The following ARHGEF40 variants were observed in gnomAD, a reference collection of about 807,000 sequenced individuals.
ARHGEF40 encodes Rho guanine nucleotide exchange factor 40.
ARHGEF40 carries 98 observed loss-of-function variants against 165.9 expected under a neutral mutation model. The ratio of observed to expected loss-of-function variants is 0.59; its 90% CI spans 0.50 to 0.70. The LOEUF is 0.70. ARHGEF40 is among the 30% of genes least tolerant of loss of function. ARHGEF40 has a pLI of 0.00. For synonymous variants in ARHGEF40, 792 were observed against 814.3 expected (o/e 0.97, Z 0.47); for missense variants, 1,815 against 1,968.0 (o/e 0.92, Z 1.47).
At chr14:21,079,496 T>C (rs1354616052) in intron 11 of ARHGEF40, among the ~76,000 whole-genome samples, 5 of 152,168 alleles carry the variant, frequency 3.3e-5, no homozygotes, top group Admixed American at 2.0e-4. Context: ...TACAGGCTTC[T>C]TTGTGGGGAA....
chr14:21,086,128 C>T (rs181560876), intron 19 of ARHGEF40: 181 of 396,070 alleles, frequency 4.6e-4, no homozygotes, highest in African/African-American at 3.3e-3. Context: ...GTAATCCCAG[C>T]GCATTTTGGG....
chr14:21,074,469 G>A lies in ARHGEF40; in HGVS notation c.739G>A (p.Glu247Lys). ...GPEGEYVELL[E>K]VTLPVRGSPT... is the part of the protein sequence containing the mutation. Reference sequence around the variant, plus strand: ...TGAGGGCGAGTATGTGGAGCTGTTAGAGGTGACGCTGCCCGTGAGGGGGAG... The same window carrying A: ...TGAGGGCGAGTATGTGGAGCTGTTAAAGGTGACGCTGCCCGTGAGGGGGAG... Residue 247 changes from glutamate to lysine, a missense_variant, in exon 3 of 24, where the codon GAG becomes AAG. Glu to Lys is a moderately conservative substitution (Grantham distance 56). Transcript: ENST00000298694. The surrounding 1 kb of genome is among the most constrained non-coding windows in gnomAD (Gnocchi z 4.8). 6.3e-7 allele frequency: 1 copy of A among 1,580,012 alleles called. No individual in the cohort carries two copies. The highest frequency in any genetic ancestry group is 1.4e-5 in the African/African-American group (1 of 74,068).
Position 21,084,894 on chromosome 14 carries a change from G to C in ARHGEF40, c.3931G>C (p.Glu1311Gln), listed in dbSNP as rs200596508. 3.7e-6 allele frequency: 6 copies of C among 1,614,108 alleles called. No homozygotes were observed. The East Asian group carries it at 1.1e-4, about 30-fold the overall frequency. Residue 1311 changes from glutamate to glutamine, a missense_variant, in exon 18 of 24, where the codon GAG becomes CAG. By Grantham distance (29) the Glu-to-Gln change is conservative. Transcript: ENST00000298694. ...SKLKGPEGGS[E>Q]MFVYKQAFKT... ...GCTCAAGGGCCCTGAAGGGGGGTCAGAGATGTTTGTTTACAAGCAGGCCTT... is the reference window on the plus strand; with the variant it reads ...GCTCAAGGGCCCTGAAGGGGGGTCACAGATGTTTGTTTACAAGCAGGCCTT...
intron 18 of ARHGEF40, among the ~76,000 whole-genome samples, 192 bp downstream of exon 18, chr14:21,085,115 G>A (rs1286815509): frequency 2.0e-5 from 3 of 152,212 alleles, no homozygotes; most frequent in Non-Finnish European, 4.4e-5. Flanking sequence ...TCTACCTCAT[G>A]AGGTTTTCCT....
In ARHGEF40 at chr14:21,074,328, A is replaced by G; in HGVS notation, c.598A>G (p.Thr200Ala). 6.2e-7 allele frequency: 1 copy of G among 1,614,138 alleles called. No homozygotes were observed. Among genetic ancestry groups the G allele is most frequent in the Non-Finnish European group, 8.5e-7 (1 of 1,180,016 alleles). Residue 200 changes from threonine to alanine, a missense_variant, in exon 3 of 24, where the codon ACA becomes GCA. Coordinates refer to ENST00000298694, the MANE Select transcript of ARHGEF40 (RefSeq NM_018071.5). This position sits in a 1 kb window ranked among gnomAD's most constrained non-coding sequence, Gnocchi z 4.8. The stretch of plus-strand genomic sequence containing the variant: ...CCTCATGGTTGGACATCAGCCAAGT[A>G]CACTGCCCCCAGAACTGCCCTCTGG... Reference protein sequence around the residue: ...EGLMVGHQPSTLPPELPSGPP... With the variant: ...EGLMVGHQPSALPPELPSGPP...
Position 21,078,965 on chromosome 14 carries a change from C to A in ARHGEF40, c.2328C>A (p.His776Gln), listed in dbSNP as rs769602811. The A allele has an allele frequency of 6.2e-7, 1 of 1,614,164 alleles. No homozygotes were observed. Among genetic ancestry groups the A allele is most frequent in the South Asian group, 1.1e-5 (1 of 91,090 alleles). Residue 776 changes from histidine to glutamine, a missense_variant, in exon 11 of 24, where the codon CAC becomes CAA. Coordinates refer to ENST00000298694, the MANE Select transcript of ARHGEF40 (RefSeq NM_018071.5). ...AGCTTGTGCGCCTCTCCAACCTGCA[C>A]GTGCAGCAGCAAGAGCAGCGGCAGT... is the stretch of plus-strand genomic sequence containing the variant. ...IHQLVRLSNL[H>Q]VQQQEQRQCL...
At position 21,074,143 on chromosome 14, in the gene ARHGEF40, A is replaced by G. The variant is rs375419399; in HGVS notation, c.413A>G (p.Asn138Ser). Residue 138 changes from asparagine to serine, a missense_variant, in exon 3 of 24, where the codon AAT becomes AGT. By Grantham distance (46) the Asn-to-Ser change is conservative. Coordinates refer to ENST00000298694, the MANE Select transcript of ARHGEF40 (RefSeq NM_018071.5). This position sits in a 1 kb window ranked among gnomAD's most constrained non-coding sequence, Gnocchi z 4.8. ...CGGGTGCAGGAGGTTCCTGTGCCCAATGAGGCTTGTGCCTACCTATTCACA... is the reference window on the plus strand; with the variant it reads ...CGGGTGCAGGAGGTTCCTGTGCCCAGTGAGGCTTGTGCCTACCTATTCACA... Reference protein sequence around the residue: ...GGRVQEVPVPNEACAYLFTPE... With the variant: ...GGRVQEVPVPSEACAYLFTPE... 3.3e-5 allele frequency: 54 copies of G among 1,614,000 alleles called. 1 individual carries two copies. Among genetic ancestry groups the G allele is most frequent in the South Asian group, 2.3e-4 (21 of 91,090 alleles).
chr14:21,070,183 G>T (rs946935768), upstream of ARHGEF40: 20 of 267,806 alleles, frequency 7.5e-5, no homozygotes, highest in Non-Finnish European at 1.3e-4. This position sits in a 1 kb window ranked among gnomAD's most constrained non-coding sequence, Gnocchi z 4.7. Flanking sequence ...GCGGAGGCGG[G>T]GGCGGGCGCT....
At chr14:21,076,702 T>C in intron 7 of ARHGEF40, 59 bp downstream of exon 7, 1 of 1,609,068 alleles carries the variant, frequency 6.2e-7, no homozygotes. Context: ...GAGAAGAGGC[T>C]GGCTGGAGCC....
intron 15 of ARHGEF40, among the ~76,000 whole-genome samples, 167 bp downstream of exon 15, chr14:21,082,645 GC>G (rs1888015993): frequency 6.6e-6 from 1 of 152,172 alleles, no homozygotes; most frequent in Admixed American, 6.5e-5. Flanking sequence ...CAGCCTCTGC[GC>G]CCTGCTCTCA....
Position 21,070,519 on chromosome 14 carries a change from C to T in ARHGEF40, c.3+120C>T. ...CTCGGACTGTTCGGCCCCTCTGGGA[C>T]TCTCCTCCCTCCCATCCCCCCTTCT... is the stretch of plus-strand genomic sequence containing the variant. On this transcript the variant is annotated intron_variant, in intron 1 of 23. Coordinates refer to ENST00000298694, the MANE Select transcript of ARHGEF40 (RefSeq NM_018071.5). This position sits in a 1 kb window ranked among gnomAD's most constrained non-coding sequence, Gnocchi z 4.7. The T allele has an allele frequency of 8.4e-7, 1 of 1,197,166 alleles. No homozygotes were observed. The allele number at this position is 1,197,166 out of a possible 1,614,324, so 74.2% of individuals were successfully genotyped here.
In ARHGEF40 at chr14:21,073,174, C is replaced by T. The variant is rs1322182359; in HGVS notation, c.133C>T (p.Leu45=). The T allele has an allele frequency of 2.5e-6, 4 of 1,613,984 alleles. No individual in the cohort carries two copies. ...GGAGAGGACTTATCGGGAGGACGCA[C>T]TGAGGTACACGCTGGACTTCCTGGT... ...VVERTYREDA[L]RYTLDFLVPA... is the part of the protein sequence containing the mutation. The change falls in exon 2 of 24, where the codon CTG becomes TTG. Residue 45 remains leucine (L), a synonymous_variant. Transcript: ENST00000298694. The surrounding 1 kb of genome is among the most constrained non-coding windows in gnomAD (Gnocchi z 4.6).
chr14:21,076,476 G>T lies in ARHGEF40; in HGVS notation c.1836+20G>T, dbSNP rs1322410008. 1.9e-6 allele frequency: 3 copies of T among 1,614,068 alleles called. No individual in the cohort carries two copies. The highest frequency in any genetic ancestry group is 2.5e-6 in the Non-Finnish European group (3 of 1,179,972). On this transcript the variant is annotated intron_variant, in intron 6 of 23. Coordinates refer to ENST00000298694, the MANE Select transcript of ARHGEF40 (RefSeq NM_018071.5). ...CTTCAGGTAACCACCCCTCAAACAG[G>T]CAGTTCCCCTGGATCCTAACTCTTC... is the stretch of plus-strand genomic sequence containing the variant.
At chr14:21,067,847 A>G (rs2139175530), upstream of ARHGEF40, among the ~76,000 whole-genome samples, 1 of 146,228 alleles carries the variant, frequency 6.8e-6, no homozygotes, top group Non-Finnish European at 1.5e-5. Flanking sequence ...ACCACATGTC[A>G]CTTACTTACT....
Position 21,087,998 on chromosome 14 carries a change from T to C in ARHGEF40, c.4418T>C (p.Val1473Ala). The C allele has an allele frequency of 1.9e-6, 3 of 1,614,102 alleles. No homozygotes were observed. Among genetic ancestry groups the C allele is most frequent in the Non-Finnish European group, 2.5e-6 (3 of 1,180,018 alleles). Residue 1473 changes from valine to alanine, a missense_variant, in exon 22 of 24, where the codon GTG becomes GCG. Coordinates refer to ENST00000298694, the MANE Select transcript of ARHGEF40 (RefSeq NM_018071.5). ...APETLDSSGD[V>A]SPGPRNSPSL... ...GAAACACTTGACTCTTCTGGAGATG[T>C]GTCCCCAGGACCAAGAAACAGCCCC...
Position 21,085,756 on chromosome 14 carries a change from G to A in ARHGEF40, c.4028G>A (p.Arg1343Gln), listed in dbSNP as rs575201589. ...SGLCFELWFR[R>Q]RRAREAYTLQ... ...CTCTGCTTTGAGTTGTGGTTTCGGC[G>A]GCGGCGTGCACGAGAGGCATACACT... Residue 1343 changes from arginine to glutamine, a missense_variant, in exon 19 of 24, where the codon CGG (arginine) becomes CAG (glutamine). By Grantham distance (43) the Arg-to-Gln change is conservative. Transcript: ENST00000298694. 1.1e-5 allele frequency: 17 copies of A among 1,614,186 alleles called. No individual in the cohort carries two copies. In the South Asian group the frequency reaches 1.1e-4, roughly 10 times the overall value.
At position 21,073,339 on chromosome 14, in the gene ARHGEF40, T is replaced by C. The variant is rs540322373; in HGVS notation, c.201+97T>C. 1.6e-5 allele frequency: 21 copies of C among 1,320,442 alleles called. No homozygotes were observed. In the East Asian group the frequency reaches 5.1e-4, roughly 32 times the overall value. The allele number at this position is 1,320,442 out of a possible 1,614,324, so 81.8% of individuals were successfully genotyped here. On this transcript the variant is annotated intron_variant, in intron 2 of 23. Coordinates refer to ENST00000298694, the MANE Select transcript of ARHGEF40 (RefSeq NM_018071.5). The surrounding 1 kb of genome is among the most constrained non-coding windows in gnomAD (Gnocchi z 4.6). ...ACTAATGCCCCCACTAACCTAGAGATACAGCCTCCCTTGAAACCGATCTCT... is the reference window on the plus strand; with the variant it reads ...ACTAATGCCCCCACTAACCTAGAGACACAGCCTCCCTTGAAACCGATCTCT...
At position 21,075,723 on chromosome 14, in the gene ARHGEF40, AC is replaced by A. The variant is rs1887364307; in HGVS notation, c.1698del (p.Asp566GlufsTer3). On this transcript the variant is annotated frameshift_variant, in exon 5 of 24. Transcript: ENST00000298694. LOFTEE classifies it high-confidence loss of function. This position sits in a 1 kb window ranked among gnomAD's most constrained non-coding sequence, Gnocchi z 4.5. ...CCTGAGGAGCCCCCACCCTCCCGAG[AC>A]ACGCTGAACACAACTCTTCATTACC... Reference protein sequence around the residue: ...CPPEEPPPSRDTLNTTLHYLH... With the variant: ...CPPEEPPPSRXTLNTTLHYLH... 4 of 1,613,532 alleles carry A rather than the reference AC, an allele frequency of 2.5e-6. No individual in the cohort carries two copies. The highest frequency in any genetic ancestry group is 3.4e-6 in the Non-Finnish European group (4 of 1,179,992).
rs1398490022 is a variant in ARHGEF40, at chr14:21,081,864, G to A, written c.2996G>A (p.Gly999Glu). ...LSSLLLPSSPGPRPAPSHCSL... is the reference protein window; with the variant it reads ...LSSLLLPSSPEPRPAPSHCSL... ...TCCTTGCTGCTCCCCAGCAGCCCTG[G>A]GCCACGGCCAGCCCCATCCCATTGC... Residue 999 changes from glycine (G) to glutamate (E), a missense_variant, in exon 14 of 24, where the codon GGG (glycine) becomes GAG (glutamate). Coordinates refer to ENST00000298694, the MANE Select transcript of ARHGEF40 (RefSeq NM_018071.5). 1.2e-6 allele frequency: 2 copies of A among 1,612,750 alleles called. No homozygotes were observed. Among genetic ancestry groups the A allele is most frequent in the Non-Finnish European group, 1.7e-6 (2 of 1,179,798 alleles).
Sources: allele counts gnomAD v4.1 joint callset (sites outside exome capture counted in the v4.1 genomes callset), GRCh38; gene constraint gnomAD v4.1.1; non-coding constraint Gnocchi (gnomAD v3.1); transcripts MANE v1.5; gene names NCBI Gene and HGNC (gene_info 2026-07-23, HGNC 2026-07-21).